Variants in WRAP73 observed in about 807,000 individuals in gnomAD.
WRAP73 encodes WD repeat containing, antisense to TP73.
Under a neutral mutation model 59.6 loss-of-function variants are expected in WRAP73, and 55 were observed. The ratio of observed to expected loss-of-function variants is 0.92; its 90% CI spans 0.74 to 1.15. The LOEUF (loss-of-function observed/expected upper bound fraction) is 1.15. Among genes scored for constraint, WRAP73 ranks in the 50% most tolerant of loss-of-function variants. The probability of loss-of-function intolerance (pLI) is 0.00; values close to 1 mark genes in which losing one functional copy is unlikely to be tolerated. For synonymous variants in WRAP73, 265 were observed against 258.2 expected, an observed-to-expected ratio of 1.03 and a Z score of -0.25; for missense variants, 592 against 608.1, an observed-to-expected ratio of 0.97 and a Z score of 0.28.
Position 3,639,199 on chromosome 1 carries a change from CAG to C in WRAP73, c.340-379_340-378del, listed in dbSNP as rs2101962541. 1 of 213,600 alleles carries C rather than the reference CAG, an allele frequency of 4.7e-6. No homozygotes were observed. The highest frequency in any genetic ancestry group is 1.6e-4 in the East Asian group (1 of 6,200). The allele number at this position is 213,600 out of a possible 1,614,324, so 13.2% of individuals were successfully genotyped here. On this transcript the variant is annotated intron_variant, in intron 3 of 11. Coordinates refer to ENST00000270708, the MANE Select transcript of WRAP73 (RefSeq NM_017818.4). This position sits in a 1 kb window ranked among gnomAD's most constrained non-coding sequence, Gnocchi z 4.3. The stretch of plus-strand genomic sequence containing the variant: ...GGGTTCAGTCTCCTTTATGGGAAGA[CAG>C]AGGATCTGGAGATTGGATGCAGCCA...
chr1:3,647,890 G>A (rs182078241), intron 1 of WRAP73, among the ~76,000 whole-genome samples: 5 of 152,286 alleles, frequency 3.3e-5, no homozygotes, highest in African/African-American at 9.6e-5. Flanking sequence ...AGTAGCATTG[G>A]GAGAAAGCTC....
At position 3,639,981 on chromosome 1, in the gene WRAP73, G is replaced by T. The variant is rs981415648; in HGVS notation, c.340-1159C>A. On this transcript the variant is annotated intron_variant, in intron 3 of 11. Transcript: ENST00000270708. The surrounding 1 kb of genome is among the most constrained non-coding windows in gnomAD (Gnocchi z 4.3). ...AAACGCTGCCAGGTTGTCAGTATAG[G>T]ATATTAACAAATGATTTAATTTAAA... Among the ~76,000 whole-genome samples the T allele has an allele frequency of 6.6e-6, 1 of 152,220 alleles. No homozygotes were observed. Among genetic ancestry groups the T allele is most frequent in the Non-Finnish European group, 1.5e-5 (1 of 68,038 alleles).
Position 3,631,097 on chromosome 1 carries a change from G to C in WRAP73, c.1261C>G (p.Leu421Val). 2.5e-6 allele frequency: 4 copies of C among 1,613,356 alleles called. No individual in the cohort carries two copies. Among genetic ancestry groups the C allele is most frequent in the South Asian group, 1.1e-5 (1 of 91,082 alleles). The change falls in exon 12 of 12, where the codon CTG (leucine) becomes GTG (valine). Residue 421 changes from leucine to valine, a missense_variant. By Grantham distance (32) the Leu-to-Val change is conservative. Coordinates refer to ENST00000270708, the MANE Select transcript of WRAP73 (RefSeq NM_017818.4). Reference protein sequence around the residue: ...PGEGDFAVLSLCWHLSGDSMA... With the variant: ...PGEGDFAVLSVCWHLSGDSMA... Reference sequence around the variant, plus strand: ...GAGTCTCCGCTTAAATGCCAGCACAGAGAGAGCACTGCAAAGTCGCCTAGA... The same window carrying C: ...GAGTCTCCGCTTAAATGCCAGCACACAGAGAGCACTGCAAAGTCGCCTAGA...
At position 3,635,145 on chromosome 1, in the gene WRAP73, T is replaced by C. The variant is rs200617278; in HGVS notation, c.738+15A>G. The C allele has an allele frequency of 1.2e-5, 19 of 1,614,138 alleles. No individual in the cohort carries two copies. The highest frequency in any genetic ancestry group is 3.3e-5 in the Admixed American group (2 of 60,030). On this transcript the variant is annotated intron_variant, in intron 7 of 11. Coordinates refer to ENST00000270708, the MANE Select transcript of WRAP73 (RefSeq NM_017818.4). The stretch of plus-strand genomic sequence containing the variant: ...GGGCGGTCGGACTTCCTGAGTGCCC[T>C]GCACTGGTTCCCACCTTTCCATCAT...
intron 1 of WRAP73, among the ~76,000 whole-genome samples, chr1:3,648,142 T>C (rs1287863666): frequency 1.3e-5 from 2 of 152,234 alleles, no homozygotes; most frequent in Non-Finnish European, 2.9e-5. Context: ...CATTAACCTA[T>C]TCCTAACACG....
chr1:3,633,154 C>T, intron 9 of WRAP73: 1 of 477,848 alleles, frequency 2.1e-6, no homozygotes, highest in Non-Finnish European at 3.8e-6. Context: ...CCTCGGAGCT[C>T]CCGCTGTCAG....
rs114719689 is a variant in WRAP73, at chr1:3,637,103, G to A, written c.413-5C>T. On this transcript the variant is annotated splice_region_variant and splice_polypyrimidine_tract_variant and intron_variant, in intron 4 of 11. Coordinates refer to ENST00000270708, the MANE Select transcript of WRAP73 (RefSeq NM_017818.4). The stretch of plus-strand genomic sequence containing the variant: ...CGTCCCTGGTGAAGGTGATTCCTGT[G>A]GGAAGAGGCAAATGCACTGAAATCA... 1,111 of 1,603,436 alleles carry A rather than the reference G, an allele frequency of 6.9e-4. 9 individuals carry two copies. In the African/African-American group the frequency reaches 0.013, roughly 19 times the overall value.
rs748772600 is a variant in WRAP73 at position 3,646,729 on chromosome 1, G to T, written c.276C>A (p.Ala92=). Residue 92 remains alanine (A), a synonymous_variant, in exon 3 of 12, where the codon GCC becomes GCA. Coordinates refer to ENST00000270708, the MANE Select transcript of WRAP73 (RefSeq NM_017818.4). The surrounding 1 kb of genome is among the most constrained non-coding windows in gnomAD (Gnocchi z 5.1). ...GGCTCCAGCACGAGGCCACCAGCCC[G>T]GCTGAGCCCTCGTCTATTTTGCAGT... ...EWHCKIDEGS[A]GLVASCWSPD... is the part of the protein sequence containing the mutation. 3.1e-6 allele frequency: 5 copies of T among 1,610,930 alleles called. No individual in the cohort carries two copies. In the East Asian group the frequency reaches 1.1e-4, roughly 36 times the overall value.
Position 3,633,482 on chromosome 1 carries a change from T to C in WRAP73, c.838A>G (p.Lys280Glu), listed in dbSNP as rs760193964. 2.5e-6 allele frequency: 4 copies of C among 1,607,866 alleles called. No individual in the cohort carries two copies. The highest frequency in any genetic ancestry group is 2.5e-6 in the Non-Finnish European group (3 of 1,178,508). Reference protein sequence around the residue: ...PKIVVYKEAEKSPQLGLGCLS... With the variant: ...PKIVVYKEAEESPQLGLGCLS... ...CAGCCCAGTCCCAGCTGTGGGCTCT[T>C]CTCGGCCTCCTTATACACCACCTGA... Residue 280 changes from lysine (K) to glutamate (E), a missense_variant, in exon 9 of 12, where the codon AAG becomes GAG. Transcript: ENST00000270708.
chr1:3,631,807 G>A lies in WRAP73; in HGVS notation c.1049-150C>T, dbSNP rs1644537353. Reference sequence around the variant, plus strand: ...GCACCCTGCAGTCTGGGTTCAGTTGGGCCCTGTAGGGCTCCTGGCCAGGGC... The same window carrying A: ...GCACCCTGCAGTCTGGGTTCAGTTGAGCCCTGTAGGGCTCCTGGCCAGGGC... On this transcript the variant is annotated intron_variant, in intron 10 of 11. Coordinates refer to ENST00000270708, the MANE Select transcript of WRAP73 (RefSeq NM_017818.4). 3.8e-5 allele frequency: 54 copies of A among 1,428,238 alleles called. No individual in the cohort carries two copies. The South Asian group carries it at 7.8e-4, about 21-fold the overall frequency. The allele number at this position is 1,428,238 out of a possible 1,614,324, so 88.5% of individuals were successfully genotyped here. A position where few individuals can be genotyped will look rare whatever the true frequency, so the allele number is the denominator to read the frequency against.
intron 6 of WRAP73, 96 bp from the exon 7 acceptor site, chr1:3,635,390 G>A: frequency 6.5e-7 from 1 of 1,535,746 alleles, no homozygotes; most frequent in Non-Finnish European, 8.9e-7. Flanking sequence ...GGTGCAGATA[G>A]CACAAAGCTG....
At chr1:3,641,130 G>A (rs1245253211) in intron 3 of WRAP73, among the ~76,000 whole-genome samples, 2 of 152,240 alleles carry the variant, frequency 1.3e-5, no homozygotes, top group East Asian at 1.9e-4. Context: ...GAGGAGACCC[G>A]TGGGATGGGC....
In WRAP73 at chr1:3,635,285, G is replaced by A; in HGVS notation, c.613C>T (p.Leu205=). ...AACCGGCCATCCAATGAGTACAGCA[G>A]AATCTTGTACTGCAGATGAGACATT... ...VWDTCLEYKI[L]LYSLDGRLLS... is the part of the protein sequence containing the mutation. Residue 205 remains leucine (L), a synonymous_variant, in exon 7 of 12, where the codon CTG becomes TTG. Transcript: ENST00000270708. 8 of 1,613,914 alleles carry A rather than the reference G, an allele frequency of 5.0e-6. No individual in the cohort carries two copies. Among genetic ancestry groups the A allele is most frequent in the Non-Finnish European group, 6.8e-6 (8 of 1,180,046 alleles).
At chr1:3,637,909 A>G (rs1355345735) in intron 4 of WRAP73, among the ~76,000 whole-genome samples, 1 of 152,226 alleles carries the variant, frequency 6.6e-6, no homozygotes, top group African/African-American at 2.4e-5. Context: ...CCAGTTCTGT[A>G]TTAGCTTAAA....
rs370306031 is a variant in WRAP73 at position 3,646,898 on chromosome 1, A to C, written c.223-116T>G. 3.5e-4 allele frequency: 285 copies of C among 820,420 alleles called. 3 individuals carry two copies. The East Asian group carries it at 5.2e-3, about 15-fold the overall frequency. The allele number at this position is 820,420 out of a possible 1,614,324, so 50.8% of individuals were successfully genotyped here. On this transcript the variant is annotated intron_variant, in intron 2 of 11. Coordinates refer to ENST00000270708, the MANE Select transcript of WRAP73 (RefSeq NM_017818.4). The surrounding 1 kb of genome is among the most constrained non-coding windows in gnomAD (Gnocchi z 5.1). ...GACCGCACAGGGTGTCTTCAAACTC[A>C]TCAGCAGTCTATAGCGAGGCCTCGC...
chr1:3,644,765 T>C (rs1041008979), intron 3 of WRAP73, among the ~76,000 whole-genome samples: 1 of 152,258 alleles, frequency 6.6e-6, no homozygotes, highest in Non-Finnish European at 1.5e-5. Context: ...TTTTCAATAT[T>C]GGTGTGTGTG....
chr1:3,635,865 C>T, intron 6 of WRAP73, 79 bp downstream of exon 6: 1 of 1,224,884 alleles, frequency 8.2e-7, no homozygotes, highest in South Asian at 1.3e-5. Context: ...ATAAAGCAAA[C>T]TATATTGCAG....
rs763804875 is a variant in WRAP73, at chr1:3,647,540, C to G, written c.90G>C (p.Arg30=). ...GKYLASCVQY[R]LVVRDVNTLQ... The stretch of plus-strand genomic sequence containing the variant: ...GGGTGTTCACATCCCGGACCACTAA[C>G]CGGTACTGGACACAGGAAGCCTAAA... The change falls in exon 2 of 12, where the codon CGG becomes CGC. Residue 30 remains arginine, a synonymous_variant. Transcript: ENST00000270708. The G allele has an allele frequency of 6.2e-7, 1 of 1,613,864 alleles. No individual in the cohort carries two copies. Among genetic ancestry groups the G allele is most frequent in the Admixed American group, 1.7e-5 (1 of 59,996 alleles).
intron 3 of WRAP73, among the ~76,000 whole-genome samples, chr1:3,644,946 G>C (rs527913148): frequency 9.8e-5 from 15 of 152,308 alleles, no homozygotes; most frequent in Admixed American, 2.0e-4. Flanking sequence ...CAGGCCTGAA[G>C]ACTGTTAGAC....
Sources: gnomAD v4.1 joint callset for allele counts (sites outside exome capture counted in the v4.1 genomes callset) on GRCh38, gnomAD v4.1.1 for gene constraint, Gnocchi (gnomAD v3.1) non-coding constraint, MANE v1.5 for transcripts, NCBI Gene and HGNC (gene_info 2026-07-23, HGNC 2026-07-21) for gene names.